CYP4F8: variants seen among roughly 807,000 people sequenced by gnomAD.
CYP4F8 encodes cytochrome P450 4F8.
Under a neutral mutation model 55.0 loss-of-function variants are expected in CYP4F8, and 56 were observed. That is an observed-to-expected ratio of 1.02 (90% CI 0.82 to 1.27). The LOEUF (loss-of-function observed/expected upper bound fraction) is 1.27. CYP4F8 is among the 50% of genes most tolerant of loss of function. CYP4F8 has a pLI of 0.00. For synonymous variants in CYP4F8, 288 were observed against 267.3 expected (o/e 1.08, Z -0.76); for missense variants, 680 against 682.4 (o/e 1.00, Z 0.04).
chr19:15,629,510 C>A lies in CYP4F8; in HGVS notation c.*152C>A. The A allele has an allele frequency of 8.8e-7, 1 of 1,134,766 alleles. No homozygotes were observed. The highest frequency in any genetic ancestry group is 1.2e-6 in the Non-Finnish European group (1 of 837,224). The allele number at this position is 1,134,766 out of a possible 1,614,324, so 70.3% of individuals were successfully genotyped here. ...GCTGGAGGACTGCGGGGATCTAGGG[C>A]CTGGCTGGGAAGAGGCGGGGAGATG... On this transcript the variant is annotated 3_prime_UTR_variant, in exon 13 of 13. Coordinates refer to ENST00000612078, the MANE Select transcript of CYP4F8 (RefSeq NM_007253.4).
chr19:15,617,247 C>A (rs1474345570), intron 2 of CYP4F8, among the ~76,000 whole-genome samples: 1 of 152,142 alleles, frequency 6.6e-6, no homozygotes, highest in African/African-American at 2.4e-5. Context: ...TCTCCATGAA[C>A]AGACAGTTTG....
Position 15,615,677 on chromosome 19 carries a change from C to CA in CYP4F8, c.61_62insA (p.Leu21HisfsTer85). 1 of 1,613,906 alleles carries CA rather than the reference C, an allele frequency of 6.2e-7. No individual in the cohort carries two copies. Among genetic ancestry groups the CA allele is most frequent in the Non-Finnish European group, 8.5e-7 (1 of 1,179,850 alleles). ...GCCGGTGGCAGCATCCCCGTGGCTGCTCCTGCTGGTGGTCGGGGCCTCCTG... is the reference window on the plus strand; with the variant it reads ...GCCGGTGGCAGCATCCCCGTGGCTGCATCCTGCTGGTGGTCGGGGCCTCCTG... On this transcript the variant is annotated frameshift_variant, in exon 2 of 13. Transcript: ENST00000612078. LOFTEE classifies it high-confidence loss of function.
chr19:15,620,987 C>T (rs1972186606), intron 5 of CYP4F8, among the ~76,000 whole-genome samples: 1 of 152,162 alleles, frequency 6.6e-6, no homozygotes, highest in South Asian at 2.1e-4. Context: ...AAGTTTATTA[C>T]TCATGTCTCA....
In CYP4F8 at chr19:15,622,263, T is replaced by G; in HGVS notation, c.570T>G (p.Asp190Glu). 1.9e-6 allele frequency: 3 copies of G among 1,613,732 alleles called. No individual in the cohort carries two copies. The highest frequency in any genetic ancestry group is 1.7e-5 in the Admixed American group (1 of 59,970). Reference sequence around the variant, plus strand: ...CCATGGAGGGCAGCACCTGTCTGGATGTGTTTGAGCACATCAGCCTTATGA... The same window carrying G: ...CCATGGAGGGCAGCACCTGTCTGGAGGTGTTTGAGCACATCAGCCTTATGA... ...RLAMEGSTCL[D>E]VFEHISLMTL... The change falls in exon 6 of 13, where the codon GAT (aspartate) becomes GAG (glutamate). Residue 190 changes from aspartate (D) to glutamate (E), a missense_variant. Physicochemically the swap from Asp to Glu is conservative, Grantham distance 45. Transcript: ENST00000612078.
chr19:15,617,520 A>ATCTATCTATCTG (rs1555736859), intron 2 of CYP4F8, among the ~76,000 whole-genome samples: 4 of 125,996 alleles, frequency 3.2e-5, no homozygotes, highest in Admixed American at 7.7e-5. Flanking sequence ...CTATCTATCT[A>ATCTATCTATCTG]TCTATCTATC....
chr19:15,629,523 A>G lies in CYP4F8; in HGVS notation c.*165A>G. 1.0e-6 allele frequency: 1 copy of G among 998,620 alleles called. No homozygotes were observed. Among genetic ancestry groups the G allele is most frequent in the Non-Finnish European group, 1.4e-6 (1 of 715,508 alleles). The allele number at this position is 998,620 out of a possible 1,614,324, so 61.9% of individuals were successfully genotyped here. A position where few individuals can be genotyped will look rare whatever the true frequency, so the allele number is the denominator to read the frequency against. Reference sequence around the variant, plus strand: ...GGGGATCTAGGGCCTGGCTGGGAAGAGGCGGGGAGATGTCTCTGTGCCCAA... The same window carrying G: ...GGGGATCTAGGGCCTGGCTGGGAAGGGGCGGGGAGATGTCTCTGTGCCCAA... On this transcript the variant is annotated 3_prime_UTR_variant, in exon 13 of 13. Transcript: ENST00000612078.
At chr19:15,623,563 G>A in intron 7 of CYP4F8, 136 bp from the exon 8 acceptor site, 3 of 994,382 alleles carry the variant, frequency 3.0e-6, no homozygotes, top group Non-Finnish European at 4.1e-6. Flanking sequence ...CAAACAGGAG[G>A]TCGGAAGGAA....
chr19:15,623,502 C>T (rs1972222470), intron 7 of CYP4F8, 127 bp downstream of exon 7: 1 of 1,422,890 alleles, frequency 7.0e-7, no homozygotes, highest in Non-Finnish European at 9.3e-7. Context: ...AAGGGAGGGA[C>T]AAGTCAGATA....
intron 6 of CYP4F8, 23 bp from the exon 7 acceptor site, chr19:15,623,082 C>T (rs769089485): frequency 1.2e-6 from 2 of 1,604,070 alleles, no homozygotes; most frequent in Non-Finnish European, 1.7e-6. Context: ...GAGCTGCTTC[C>T]TCTCTCTGGA....
chr19:15,629,161 G>A (rs1433610900), intron 12 of CYP4F8, 32 bp from the exon 13 acceptor site: 4 of 1,562,806 alleles, frequency 2.6e-6, no homozygotes, highest in African/African-American at 2.7e-5. Flanking sequence ...CTGGGTCCTG[G>A]GTGCAGTCAG....
At chr19:15,619,400 G>A (rs917031979) in intron 3 of CYP4F8, 90 bp from the exon 4 acceptor site, 29 of 1,503,720 alleles carry the variant, frequency 1.9e-5, no homozygotes, top group South Asian at 2.4e-5. Context: ...GAGAAAAGAC[G>A]TCCAAACCTC....
intron 7 of CYP4F8, 94 bp from the exon 8 acceptor site, chr19:15,623,605 G>C: frequency 2.1e-6 from 3 of 1,437,538 alleles, no homozygotes; most frequent in Non-Finnish European, 2.8e-6. Context: ...GGTGACAAGG[G>C]AGGGATCCTT....
chr19:15,622,150 T>C (rs1972201570), intron 5 of CYP4F8, 69 bp from the exon 6 acceptor site: 1 of 1,547,480 alleles, frequency 6.5e-7, no homozygotes, highest in Non-Finnish European at 8.7e-7. Context: ...TCCATCCTGG[T>C]GGTTGGGGTT....
Position 15,629,399 on chromosome 19 carries a change from C to A in CYP4F8, c.*41C>A. ...ACCCACCTACCTTTGCATCACCTAC[C>A]TTTGCACCAACTACCTTTTCAGATT... is the stretch of plus-strand genomic sequence containing the variant. On this transcript the variant is annotated 3_prime_UTR_variant, in exon 13 of 13. Coordinates refer to ENST00000612078, the MANE Select transcript of CYP4F8 (RefSeq NM_007253.4). 1 of 1,546,468 alleles carries A rather than the reference C, an allele frequency of 6.5e-7. No individual in the cohort carries two copies. The highest frequency in any genetic ancestry group is 8.7e-7 in the Non-Finnish European group (1 of 1,146,392).
In CYP4F8 at chr19:15,624,035, A is replaced by C. The variant is rs1483088415; in HGVS notation, c.1056A>C (p.Glu352Asp). Residue 352 changes from glutamate (E) to aspartate (D), a missense_variant, in exon 9 of 13, where the codon GAA becomes GAC. Glu to Asp is a conservative substitution (Grantham distance 45). Transcript: ENST00000612078. The stretch of plus-strand genomic sequence containing the variant: ...TCGCGAGGCACCCAGAATACCAAGA[A>C]CGCTGCCGGCAGGAGGTGCAAGAGC... The part of the protein sequence containing the change: ...YNLARHPEYQ[E>D]RCRQEVQELL... 1.2e-6 allele frequency: 2 copies of C among 1,613,924 alleles called. No homozygotes were observed. The highest frequency in any genetic ancestry group is 2.7e-5 in the African/African-American group (2 of 74,890).
At chr19:15,623,862 C>A in intron 8 of CYP4F8, 97 bp downstream of exon 8, 1 of 1,594,708 alleles carries the variant, frequency 6.3e-7, no homozygotes, top group Non-Finnish European at 8.6e-7. Context: ...TGCCCAACCT[C>A]CCCCTCCCCT....
chr19:15,628,331 C>T lies in CYP4F8; in HGVS notation c.1145C>T (p.Thr382Ile). ...WDDLAQLPFL[T>I]MCLKESLRLH... ...GACCTGGCCCAGTTGCCCTTCCTGA[C>T]CATGTGCCTGAAGGAGAGCCTGCGG... Residue 382 changes from threonine to isoleucine, a missense_variant, in exon 10 of 13, where the codon ACC (threonine) becomes ATC (isoleucine). Transcript: ENST00000612078. The T allele has an allele frequency of 9.3e-6, 15 of 1,614,094 alleles. No individual in the cohort carries two copies. Among genetic ancestry groups the T allele is most frequent in the Non-Finnish European group, 1.3e-5 (15 of 1,180,022 alleles).
intron 9 of CYP4F8, among the ~76,000 whole-genome samples, chr19:15,626,627 A>G (rs1326866150): frequency 2.1e-5 from 3 of 145,644 alleles, no homozygotes; most frequent in Non-Finnish European, 4.6e-5. Context: ...CTATCTATCT[A>G]TCTATCTATC....
chr19:15,623,379 G>A lies in CYP4F8; in HGVS notation c.918+4G>A. The A allele has an allele frequency of 1.2e-6, 2 of 1,612,436 alleles. No homozygotes were observed. Among genetic ancestry groups the A allele is most frequent in the Non-Finnish European group, 1.7e-6 (2 of 1,178,696 alleles). Reference sequence around the variant, plus strand: ...TGATGTGCTCCTGCTGAGCGAGGTGGGCCTCTCTGGGATCTGAATTCAAGA... The same window carrying A: ...TGATGTGCTCCTGCTGAGCGAGGTGAGCCTCTCTGGGATCTGAATTCAAGA... On this transcript the variant is annotated splice_donor_region_variant and intron_variant, in intron 7 of 12. Coordinates refer to ENST00000612078, the MANE Select transcript of CYP4F8 (RefSeq NM_007253.4).
Sources: gnomAD v4.1 joint callset for allele counts (sites outside exome capture counted in the v4.1 genomes callset) on GRCh38, gnomAD v4.1.1 for gene constraint, MANE v1.5 for transcripts, NCBI Gene and HGNC (gene_info 2026-07-23, HGNC 2026-07-21) for gene names.